Variants in MED6 observed in about 807,000 individuals in gnomAD.
MED6 encodes the protein mediator of RNA polymerase II transcription subunit 6.
Under a neutral mutation model 37.5 loss-of-function variants are expected in MED6, and 33 were observed. The ratio of observed to expected loss-of-function variants is 0.88; its 90% CI spans 0.67 to 1.18. MED6 has a LOEUF of 1.18. MED6 is among the 50% of genes most tolerant of loss of function. The pLI is 0.00. For missense variants in MED6, 235 were observed against 290.6 expected, an observed-to-expected ratio of 0.81 and a Z score of 1.39; for synonymous variants, 94 against 93.6, an observed-to-expected ratio of 1.00 and a Z score of -0.02.
intron 6 of MED6, among the ~76,000 whole-genome samples, chr14:70,590,322 TATTTA>T (rs1427276279): frequency 1.3e-5 from 2 of 152,232 alleles, no homozygotes; most frequent in African/African-American, 4.8e-5. Flanking sequence ...TTCATTTATT[TATTTA>T]TTCAACAGAC....
At chr14:70,588,732 A>ATAG in intron 6 of MED6, among the ~76,000 whole-genome samples, 1 of 130,202 alleles carries the variant, frequency 7.7e-6, no homozygotes, top group Non-Finnish European at 1.6e-5. Flanking sequence ...AATAATAATA[A>ATAG]TAATAATAAT....
chr14:70,587,028 T>C (rs1239901451), intron 6 of MED6, among the ~76,000 whole-genome samples: 1 of 152,114 alleles, frequency 6.6e-6, no homozygotes, highest in Admixed American at 6.5e-5. Flanking sequence ...TCTTCAGAGG[T>C]TGTGAAATTT....
chr14:70,585,797 G>GA lies in MED6; in HGVS notation c.583-15dup, dbSNP rs1050447873. On this transcript the variant is annotated splice_polypyrimidine_tract_variant and intron_variant, in intron 6 of 7. Transcript: ENST00000256379. ...TCCAGGCTTTAGCTATAATTTTTTA[G>GA]AAAAAAGGGAGGGAGAGGAAGAGGA... 1.9e-6 allele frequency: 3 copies of GA among 1,596,438 alleles called. No individual in the cohort carries two copies. Among genetic ancestry groups the GA allele is most frequent in the African/African-American group, 2.7e-5 (2 of 73,798 alleles).
At chr14:70,593,232 T>C in intron 4 of MED6, 64 bp downstream of exon 4, 1 of 1,398,576 alleles carries the variant, frequency 7.2e-7, no homozygotes, top group Non-Finnish European at 1.0e-6. Flanking sequence ...CTAGTTTGAT[T>C]ACTGGAAGCA....
rs981579376 is a variant in MED6 at position 70,584,080 on chromosome 14, C to T, written c.*733G>A. The T allele has an allele frequency of 6.3e-6, 4 of 635,742 alleles. No homozygotes were observed. Among genetic ancestry groups the T allele is most frequent in the African/African-American group, 1.8e-5 (1 of 54,942 alleles). The allele number at this position is 635,742 out of a possible 1,614,324, so 39.4% of individuals were successfully genotyped here. Reference sequence around the variant, plus strand: ...GGTGAGTGAGGTTTTTCCTTTTCTTCATCTTCCAAAATGTCAGCAACTGTT... The same window carrying T: ...GGTGAGTGAGGTTTTTCCTTTTCTTTATCTTCCAAAATGTCAGCAACTGTT... On this transcript the variant is annotated 3_prime_UTR_variant, in exon 8 of 8. Coordinates refer to ENST00000256379, the MANE Select transcript of MED6 (RefSeq NM_005466.4).
In MED6 at chr14:70,595,133, C is replaced by T. The variant is rs981945092; in HGVS notation, c.274+1478G>A. On this transcript the variant is annotated intron_variant, in intron 3 of 7. Coordinates refer to ENST00000256379, the MANE Select transcript of MED6 (RefSeq NM_005466.4). ...TGCAAGGTCAATGACACCAGTGTCA[C>T]TCGGCTTCAGCTACAGAGATTGAGG... 17 of 428,414 alleles carry T rather than the reference C, an allele frequency of 4.0e-5. No individual in the cohort carries two copies. The African/African-American group carries it at 7.5e-4, about 19-fold the overall frequency. 26.5% of individuals were successfully genotyped at this position (428,414 alleles called of 1,614,324 possible).
intron 1 of MED6, 34 bp downstream of exon 1, chr14:70,600,582 C>G: frequency 6.2e-7 from 1 of 1,612,644 alleles, no homozygotes; most frequent in Non-Finnish European, 8.5e-7. Flanking sequence ...GGTCCACAGA[C>G]AATCAAGAGA....
At chr14:70,589,164 C>T (rs1020520941) in intron 6 of MED6, among the ~76,000 whole-genome samples, 2 of 152,154 alleles carry the variant, frequency 1.3e-5, no homozygotes, top group African/African-American at 4.8e-5. Flanking sequence ...GTTAATAATA[C>T]CTAGTCTAAT....
At chr14:70,600,526 C>T (rs966626252) in intron 1 of MED6, 90 bp downstream of exon 1, 13 of 1,457,142 alleles carry the variant, frequency 8.9e-6, no homozygotes, top group Admixed American at 5.3e-5. Context: ...AGACTTCACA[C>T]AAAGGAACCT....
intron 2 of MED6, 57 bp downstream of exon 2, chr14:70,597,561 A>C (rs1424832078): frequency 2.2e-6 from 3 of 1,364,002 alleles, no homozygotes; most frequent in Non-Finnish European, 2.9e-6. Context: ...GTTTGAAAGA[A>C]CTGTTCATTG....
intron 4 of MED6, 42 bp downstream of exon 4, chr14:70,593,254 T>C (rs368340609): frequency 1.9e-6 from 3 of 1,539,420 alleles, no homozygotes; most frequent in African/African-American, 2.7e-5. Flanking sequence ...GGTAGCTAAT[T>C]AAAAGTTTTC....
chr14:70,588,756 G>A (rs1311670365), intron 6 of MED6, among the ~76,000 whole-genome samples: 2 of 149,456 alleles, frequency 1.3e-5, no homozygotes, highest in African/African-American at 4.9e-5. Context: ...GAGGAAGTAG[G>A]GGAAGAAGAG....
In MED6 at chr14:70,585,676, T is replaced by C; in HGVS notation, c.610+80A>G. On this transcript the variant is annotated intron_variant, in intron 7 of 7. Transcript: ENST00000256379. ...GAAGGACAAAATGACCACAGCTCAT[T>C]TCACATGCTATACTTGTGATTGATT... is the stretch of plus-strand genomic sequence containing the variant. 7 of 1,267,310 alleles carry C rather than the reference T, an allele frequency of 5.5e-6. 1 individual carries two copies. Among genetic ancestry groups the C allele is most frequent in the Non-Finnish European group, 7.5e-6 (7 of 927,608 alleles). 78.5% of individuals were successfully genotyped at this position (1,267,310 alleles called of 1,614,324 possible). A position where few individuals can be genotyped will look rare whatever the true frequency, so the allele number is the denominator to read the frequency against.
intron 6 of MED6, among the ~76,000 whole-genome samples, chr14:70,590,907 T>C (rs997280106): frequency 6.6e-6 from 1 of 152,240 alleles, no homozygotes; most frequent in Non-Finnish European, 1.5e-5. Context: ...GTTGTTCAGA[T>C]ATCTACTACA....
In MED6 at chr14:70,584,956, A is replaced by G; in HGVS notation, c.611-13T>C. Reference sequence around the variant, plus strand: ...TTTGTTTGATCCACTAGATATCAAAAGTAGATTTTTTGGGAGGGAGATATG... The same window carrying G: ...TTTGTTTGATCCACTAGATATCAAAGGTAGATTTTTTGGGAGGGAGATATG... On this transcript the variant is annotated splice_polypyrimidine_tract_variant and intron_variant, in intron 7 of 7. Transcript: ENST00000256379. 6.2e-7 allele frequency: 1 copy of G among 1,610,728 alleles called. No individual in the cohort carries two copies. The highest frequency in any genetic ancestry group is 8.5e-7 in the Non-Finnish European group (1 of 1,179,030).
intron 5 of MED6, chr14:70,591,629 G>A (rs1884872648): frequency 9.0e-6 from 3 of 332,680 alleles, no homozygotes; most frequent in Admixed American, 4.9e-5. Flanking sequence ...CTTCAGTTTT[G>A]GTATATAAGC....
In MED6 at chr14:70,583,913, A is replaced by G; in HGVS notation, c.*900T>C. On this transcript the variant is annotated 3_prime_UTR_variant, in exon 8 of 8. Coordinates refer to ENST00000256379, the MANE Select transcript of MED6 (RefSeq NM_005466.4). ...CAGCAAGAAGGCCCTCACCAGATGG[A>G]GCCAATCAATGCTGGACTTCTCAGC... is the stretch of plus-strand genomic sequence containing the variant. The G allele has an allele frequency of 2.4e-6, 1 of 411,604 alleles. No homozygotes were observed. The highest frequency in any genetic ancestry group is 4.3e-6 in the Non-Finnish European group (1 of 233,930). The allele number at this position is 411,604 out of a possible 1,614,324, so 25.5% of individuals were successfully genotyped here.
intron 6 of MED6, among the ~76,000 whole-genome samples, chr14:70,587,133 A>G (rs1442540339): frequency 6.6e-6 from 1 of 152,228 alleles, no homozygotes; most frequent in Non-Finnish European, 1.5e-5. Context: ...CTCCCTGGGC[A>G]GAAATATCAC....
chr14:70,591,393 C>A lies in MED6; in HGVS notation c.467-12G>T. ...AGGTCTGACTTTATCTATTAAAATACGAAGTCCAAATCAAAACATTGCCTA... is the reference window on the plus strand; with the variant it reads ...AGGTCTGACTTTATCTATTAAAATAAGAAGTCCAAATCAAAACATTGCCTA... On this transcript the variant is annotated splice_polypyrimidine_tract_variant and intron_variant, in intron 5 of 7. Transcript: ENST00000256379. 3 of 1,585,522 alleles carry A rather than the reference C, an allele frequency of 1.9e-6. No homozygotes were observed. The highest frequency in any genetic ancestry group is 2.6e-6 in the Non-Finnish European group (3 of 1,165,730).
Sources: gnomAD v4.1 joint callset for allele counts (sites outside exome capture counted in the v4.1 genomes callset) on GRCh38, gnomAD v4.1.1 for gene constraint, MANE v1.5 for transcripts, NCBI Gene and HGNC (gene_info 2026-07-23, HGNC 2026-07-21) for gene names.